Variants in GALNT11 observed in about 807,000 individuals in gnomAD.
The protein encoded by GALNT11 is UDP-GalNAc:polypeptide N-acetylgalactosaminyltransferase 11.
Under a neutral mutation model 72.7 loss-of-function variants are expected in GALNT11, and 47 were observed. That is an observed-to-expected ratio of 0.65 (90% confidence interval 0.51 to 0.82). The LOEUF (loss-of-function observed/expected upper bound fraction) is 0.82, where lower values mean the gene tolerates loss of function less well. Among genes scored for constraint, GALNT11 ranks in the 40% least tolerant of loss-of-function variants. GALNT11 has a pLI of 0.00. For missense variants in GALNT11, 677 were observed against 778.4 expected (o/e 0.87, Z 1.55); for synonymous variants, 270 against 286.6 (o/e 0.94, Z 0.58).
rs759425976 is a variant in GALNT11 at position 152,103,235 on chromosome 7, C to T, written c.543C>T (p.His181=). The change falls in exon 4 of 12, where the codon CAC becomes CAT. Residue 181 remains histidine, a synonymous_variant. Transcript: ENST00000430044. ...VHSVIDRTPA[H]LLHEIILVDD... ...GTGTCATAGACCGCACGCCAGCACA[C>T]CTGCTTCATGAGATCATCCTTGTGG... The T allele has an allele frequency of 8.7e-6, 14 of 1,613,614 alleles. No individual in the cohort carries two copies. The African/African-American group carries it at 1.6e-4, about 18-fold the overall frequency.
At chr7:152,088,258 TC>T (rs1400834943) in intron 1 of GALNT11, among the ~76,000 whole-genome samples, 2 of 152,216 alleles carry the variant, frequency 1.3e-5, no homozygotes, top group African/African-American at 4.8e-5. Context: ...TTGTTTAGTA[TC>T]ATGTTTGCTA....
chr7:152,116,239 ATTATTTAACTTTAT>A (rs2088834078), intron 8 of GALNT11, among the ~76,000 whole-genome samples: 1 of 152,130 alleles, frequency 6.6e-6, no homozygotes, highest in Non-Finnish European at 1.5e-5. Flanking sequence ...ACCAGGAGAT[ATTATTTAACTTTAT>A]TTATCTTTGT....
intron 1 of GALNT11, among the ~76,000 whole-genome samples, chr7:152,059,295 TCTCA>T (rs990317345): frequency 6.6e-5 from 10 of 151,540 alleles, no homozygotes; most frequent in African/African-American, 1.2e-4. Flanking sequence ...AGCGATTGGG[TCTCA>T]CTCTGTTGTC....
chr7:152,060,305 T>C (rs191092906), intron 1 of GALNT11, among the ~76,000 whole-genome samples: 32 of 152,322 alleles, frequency 2.1e-4, no homozygotes, highest in African/African-American at 7.7e-4. Context: ...CATATCCGCA[T>C]TGATGCTGTG....
At chr7:152,068,474 G>A (rs1478198870) in intron 1 of GALNT11, among the ~76,000 whole-genome samples, 1 of 152,112 alleles carries the variant, frequency 6.6e-6, no homozygotes, top group Non-Finnish European at 1.5e-5. Flanking sequence ...CTGCTGTAAG[G>A]TTTCATATGC....
chr7:152,033,916 T>G (rs1471974645), intron 1 of GALNT11, among the ~76,000 whole-genome samples: 1 of 152,206 alleles, frequency 6.6e-6, no homozygotes, highest in Non-Finnish European at 1.5e-5. Flanking sequence ...ATTAAAGGCC[T>G]GGGTTTGATC....
At chr7:152,074,242 CCT>C (rs1418158325) in intron 1 of GALNT11, 5 of 152,200 alleles carry the variant, frequency 3.3e-5, no homozygotes, top group Admixed American at 1.3e-4. Flanking sequence ...AGGCATTTCC[CCT>C]GTTTTCTTTC....
chr7:152,060,624 C>A (rs1008783867), intron 1 of GALNT11, among the ~76,000 whole-genome samples: 5 of 152,006 alleles, frequency 3.3e-5, no homozygotes, highest in South Asian at 4.2e-4. Flanking sequence ...ATCCCTCCCC[C>A]CCCTCCACCC....
chr7:152,084,232 A>T (rs2085491529), intron 1 of GALNT11, among the ~76,000 whole-genome samples: 1 of 150,690 alleles, frequency 6.6e-6, no homozygotes, highest in Non-Finnish European at 1.5e-5. Flanking sequence ...AATAAGTTGT[A>T]TTTTCTTTAA....
intron 1 of GALNT11, among the ~76,000 whole-genome samples, chr7:152,030,124 A>G (rs2082236741): frequency 1.3e-5 from 2 of 152,232 alleles, no homozygotes; most frequent in East Asian, 3.8e-4. Context: ...TAAAGACACA[A>G]GACAGAGATA....
intron 1 of GALNT11, among the ~76,000 whole-genome samples, chr7:152,060,990 G>A (rs944410403): frequency 7.9e-5 from 12 of 152,198 alleles, no homozygotes; most frequent in African/African-American, 2.7e-4. Context: ...TATATACCCA[G>A]TAATGGGATG....
chr7:152,027,206 G>A (rs1162388989), intron 1 of GALNT11, among the ~76,000 whole-genome samples: 1 of 152,142 alleles, frequency 6.6e-6, no homozygotes, highest in African/African-American at 2.4e-5. Flanking sequence ...CCGAGATCAC[G>A]CCACTGCACT....
At chr7:152,103,334 T>G (rs777413386) in intron 4 of GALNT11, 56 bp downstream of exon 4, 1 of 1,547,456 alleles carries the variant, frequency 6.5e-7, no homozygotes, top group Non-Finnish European at 8.9e-7. Context: ...ACTACAGCAC[T>G]GACAAACACT....
At chr7:152,099,386 T>TTTA (rs1233781103) in intron 2 of GALNT11, among the ~76,000 whole-genome samples, 13 of 124,278 alleles carry the variant, frequency 1.0e-4, no homozygotes, top group Non-Finnish European at 1.9e-4. Context: ...TTATTTATTT[T>TTTA]GAGACAAAGT....
At chr7:152,067,728 G>T (rs1191932383) in intron 1 of GALNT11, among the ~76,000 whole-genome samples, 1 of 152,132 alleles carries the variant, frequency 6.6e-6, no homozygotes, top group East Asian at 1.9e-4. Context: ...TAAAAACCAA[G>T]AACTGGGTGT....
intron 8 of GALNT11, 155 bp from the exon 9 acceptor site, chr7:152,117,002 A>C: frequency 2.7e-6 from 2 of 734,926 alleles, no homozygotes; most frequent in Non-Finnish European, 4.8e-6. Context: ...GATCTCATAT[A>C]TACGCCTGTT....
chr7:152,088,369 T>C (rs2085787024), intron 1 of GALNT11, among the ~76,000 whole-genome samples: 1 of 152,186 alleles, frequency 6.6e-6, no homozygotes, highest in Non-Finnish European at 1.5e-5. Context: ...TTTATCTCCA[T>C]TGATAAAACC....
chr7:152,028,164 C>G (rs142515714), intron 1 of GALNT11, among the ~76,000 whole-genome samples: 1 of 152,156 alleles, frequency 6.6e-6, no homozygotes, highest in African/African-American at 2.4e-5. Context: ...GAAGGGGACC[C>G]GAGCAGGTTG....
chr7:152,109,107 A>T (rs759757829), intron 6 of GALNT11, among the ~76,000 whole-genome samples: 3 of 152,364 alleles, frequency 2.0e-5, no homozygotes, highest in Non-Finnish European at 2.9e-5. Context: ...AGGCTTGCCC[A>T]AGTATCTCCG....
Sources: allele counts gnomAD v4.1 joint callset (sites outside exome capture counted in the v4.1 genomes callset), GRCh38; gene constraint gnomAD v4.1.1; transcripts MANE v1.5; gene names NCBI Gene and HGNC (gene_info 2026-07-23, HGNC 2026-07-21).